The following ABI1 variants were observed in gnomAD, a reference collection of about 807,000 sequenced individuals.
The protein encoded by ABI1 is abl interactor 1, also known as Abelson interactor 1.
ABI1 carries 14 observed loss-of-function variants against 54.6 expected under a neutral mutation model. The observed-to-expected ratio is 0.26, with a 90% CI of 0.17 to 0.40. The LOEUF (loss-of-function observed/expected upper bound fraction) is 0.40, where lower values mean the gene tolerates loss of function less well. Ranked by LOEUF, ABI1 falls within the 10% of genes least tolerant of loss-of-function variation. The pLI is 1.00. For synonymous variants in ABI1, 194 were observed against 209.3 expected, an observed-to-expected ratio of 0.93 and a Z score of 0.63; for missense variants, 443 against 598.3, an observed-to-expected ratio of 0.74 and a Z score of 2.71.
At chr10:26,802,553 C>T (rs2046630445) in intron 2 of ABI1, among the ~76,000 whole-genome samples, 1 of 152,148 alleles carries the variant, frequency 6.6e-6, no homozygotes, top group Admixed American at 6.5e-5. Context: ...TACAATAAAT[C>T]AATGACAATC....
intron 2 of ABI1, among the ~76,000 whole-genome samples, chr10:26,796,770 T>C (rs983459937): frequency 6.6e-6 from 1 of 152,220 alleles, no homozygotes; most frequent in Admixed American, 6.5e-5. Flanking sequence ...GTCCCCTTTT[T>C]GGCACCAGGG....
intron 1 of ABI1, among the ~76,000 whole-genome samples, chr10:26,852,840 G>C (rs560073945): frequency 4.4e-4 from 67 of 152,328 alleles, no homozygotes; most frequent in African/African-American, 1.5e-3. Context: ...GCCAAGGCAG[G>C]AGGATCACTT....
intron 2 of ABI1, among the ~76,000 whole-genome samples, chr10:26,820,243 T>C (rs1174262850): frequency 6.6e-6 from 1 of 152,154 alleles, no homozygotes; most frequent in Admixed American, 6.5e-5. Flanking sequence ...GTCAGCTTGA[T>C]AGTGGTAATC....
intron 1 of ABI1, among the ~76,000 whole-genome samples, chr10:26,834,844 T>C (rs1214634712): frequency 1.3e-5 from 2 of 152,062 alleles, no homozygotes; most frequent in African/African-American, 4.8e-5. Context: ...AGCTCATGCC[T>C]GTAATCCCAG....
Position 26,810,650 on chromosome 10 carries a change from G to A in ABI1, c.285+12488C>T, listed in dbSNP as rs72794105. On this transcript the variant is annotated intron_variant, in intron 2 of 10. Transcript: ENST00000376140. ...TATGTAAACAAAGGAACACAGCTAT[G>A]TTCCAATAAAACTTTATTTATAAAA... 3.6e-3 allele frequency among the ~76,000 whole-genome samples: 553 copies of A among 152,172 alleles called. 2 individuals are homozygous for A. The highest frequency in any genetic ancestry group is 6.0e-3 in the Non-Finnish European group (410 of 68,012).
intron 2 of ABI1, among the ~76,000 whole-genome samples, chr10:26,811,775 ATAAATTTATGCAAAGATTTGTATAAATT>A: frequency 1.2e-5 from 1 of 81,120 alleles, no homozygotes; most frequent in Non-Finnish European, 2.9e-5. Flanking sequence ...ATAAATTTGT[ATAAATTTATGCAAAGATTTGTATAAATT>A]TATGCAAAGA....
At position 26,747,022 on chromosome 10, in the gene ABI1, CTTTG is replaced by C. The variant is rs757798936; in HGVS notation, c.*1544_*1547del. 262 of 216,810 alleles carry C rather than the reference CTTTG, an allele frequency of 1.2e-3. No homozygotes were observed. Among genetic ancestry groups the C allele is most frequent in the African/African-American group, 4.9e-3 (213 of 43,848 alleles). 13.4% of individuals were successfully genotyped at this position (216,810 alleles called of 1,614,324 possible). A position where few individuals can be genotyped will look rare whatever the true frequency, so the allele number is the denominator to read the frequency against. On this transcript the variant is annotated 3_prime_UTR_variant, in exon 11 of 11. Coordinates refer to ENST00000376140, the MANE Select transcript of ABI1 (RefSeq NM_001012750.3). The stretch of plus-strand genomic sequence containing the variant: ...GGTAGCTAGCTGATCACTAATGATA[CTTTG>C]TTTGTTTAAAATTAACAAAGGCAAA...
At chr10:26,765,890 A>G (rs1369385866) in intron 6 of ABI1, among the ~76,000 whole-genome samples, 2 of 152,204 alleles carry the variant, frequency 1.3e-5, no homozygotes, top group Non-Finnish European at 2.9e-5. Context: ...TGAAATATTT[A>G]TCACCAACAA....
intron 2 of ABI1, among the ~76,000 whole-genome samples, chr10:26,815,429 A>G (rs2047500549): frequency 6.6e-6 from 1 of 152,220 alleles, no homozygotes; most frequent in African/African-American, 2.4e-5. Context: ...AAAGAATGAG[A>G]ATTGAATTCA....
intron 2 of ABI1, among the ~76,000 whole-genome samples, chr10:26,793,742 GA>G (rs942769426): frequency 6.6e-6 from 1 of 152,096 alleles, no homozygotes; most frequent in Admixed American, 6.5e-5. Context: ...GCTTTTAATA[GA>G]ACATTAGATC....
chr10:26,844,196 C>T (rs895424067), intron 1 of ABI1, among the ~76,000 whole-genome samples: 2 of 152,060 alleles, frequency 1.3e-5, no homozygotes, highest in South Asian at 4.1e-4. Context: ...TTCCTACTAC[C>T]TATATATATC....
intron 2 of ABI1, among the ~76,000 whole-genome samples, chr10:26,781,227 G>A (rs1468891287): frequency 6.6e-6 from 1 of 152,238 alleles, no homozygotes; most frequent in Non-Finnish European, 1.5e-5. Flanking sequence ...TCCCATTTGG[G>A]AATGAGTCAA....
chr10:26,805,641 T>G (rs141127953), intron 2 of ABI1, among the ~76,000 whole-genome samples: 1 of 152,270 alleles, frequency 6.6e-6, no homozygotes, highest in African/African-American at 2.4e-5. Context: ...GAAGCAGGAT[T>G]GCCAGCTGTT....
chr10:26,813,768 T>G (rs1032086406), intron 2 of ABI1, among the ~76,000 whole-genome samples: 1 of 152,228 alleles, frequency 6.6e-6, no homozygotes, highest in Non-Finnish European at 1.5e-5. Flanking sequence ...ATGCCACTCT[T>G]CTCATAAATT....
chr10:26,770,402 T>A (rs1588817709), intron 4 of ABI1, 57 bp from the exon 5 acceptor site: 2 of 1,397,118 alleles, frequency 1.4e-6, no homozygotes, highest in Non-Finnish European at 2.0e-6. Flanking sequence ...CCTGGTGTTT[T>A]AACACCATGT....
At chr10:26,843,586 T>C (rs1290559496) in intron 1 of ABI1, among the ~76,000 whole-genome samples, 4 of 147,280 alleles carry the variant, frequency 2.7e-5, no homozygotes, top group Admixed American at 6.9e-5. Flanking sequence ...TCCTCAGTGA[T>C]GTAAATATTA....
intron 1 of ABI1, chr10:26,839,716 C>T (rs2049349213): frequency 1.4e-6 from 1 of 697,476 alleles, no homozygotes; most frequent in Non-Finnish European, 2.6e-6. Flanking sequence ...GTTGGGAGGT[C>T]AAGGTAGGAG....
chr10:26,814,874 G>A (rs971727906), intron 2 of ABI1, among the ~76,000 whole-genome samples: 1 of 152,130 alleles, frequency 6.6e-6, no homozygotes, highest in Non-Finnish European at 1.5e-5. Flanking sequence ...TCCAAGTCCT[G>A]ATAGAATTGG....
intron 3 of ABI1, among the ~76,000 whole-genome samples, chr10:26,773,032 C>T (rs1015238809): frequency 7.9e-5 from 12 of 152,098 alleles, no homozygotes; most frequent in Non-Finnish European, 1.3e-4. Flanking sequence ...TGAGCTATTG[C>T]ACTTCAGTGA....
Sources: allele counts gnomAD v4.1 joint callset (sites outside exome capture counted in the v4.1 genomes callset), GRCh38; gene constraint gnomAD v4.1.1; transcripts MANE v1.5; gene names NCBI Gene and HGNC (gene_info 2026-07-23, HGNC 2026-07-21).